Variants in RTN4R observed in about 807,000 individuals in gnomAD.
RTN4R encodes the protein reticulon-4 receptor.
RTN4R carries 4 observed loss-of-function variants against 27.7 expected under a neutral mutation model. The observed-to-expected ratio is 0.14, with a 90% CI of 0.07 to 0.33. The LOEUF is 0.33. Ranked by LOEUF, RTN4R falls within the 10% of genes least tolerant of loss-of-function variation. The probability of loss-of-function intolerance (pLI) is 1.00; values close to 1 mark genes in which losing one functional copy is unlikely to be tolerated. For missense variants in RTN4R, 554 were observed against 671.5 expected (o/e 0.83, Z 1.93); for synonymous variants, 290 against 305.6 (o/e 0.95, Z 0.53).
chr22:20,266,764 G>A (rs1199682222), intron 1 of RTN4R, among the ~76,000 whole-genome samples: 1 of 152,258 alleles, frequency 6.6e-6, no homozygotes, highest in Non-Finnish European at 1.5e-5. Context: ...TTAGGCCACA[G>A]CCTGTCTAGG....
At position 20,241,766 on chromosome 22, in the gene RTN4R, C is replaced by G; in HGVS notation, c.1367G>C (p.Ser456Thr). The change falls in exon 2 of 2, where the codon AGC becomes ACC. Residue 456 changes from serine to threonine, a missense_variant. By Grantham distance (58) the Ser-to-Thr change is moderately conservative (BLOSUM62 1). This residue lies in a region of RTN4R where 141 missense variants were observed against 129.2 expected (regional missense o/e 1.09). Coordinates refer to ENST00000043402, the MANE Select transcript of RTN4R (RefSeq NM_023004.6). ...GSGALPSLTC[S>T]LTPLGLALVL... ...CAGCGCCAGGCCCAGGGGGGTGAGG[C>G]TGCAGGTGAGGCTGGGTAGGGCACC... is the stretch of plus-strand genomic sequence containing the variant. 6.4e-7 allele frequency: 1 copy of G among 1,554,192 alleles called. No individual in the cohort carries two copies. Among genetic ancestry groups the G allele is most frequent in the Non-Finnish European group, 8.7e-7 (1 of 1,149,060 alleles).
intron 1 of RTN4R, among the ~76,000 whole-genome samples, chr22:20,244,772 G>A (rs1010304617): frequency 1.3e-5 from 2 of 152,174 alleles, no homozygotes; most frequent in African/African-American, 2.4e-5. Flanking sequence ...CTGGGGCCAG[G>A]TGGGGTGGAG....
At position 20,242,688 on chromosome 22, in the gene RTN4R, G is replaced by A; in HGVS notation, c.445C>T (p.Leu149=). The A allele has an allele frequency of 1.2e-6, 2 of 1,612,478 alleles. No individual in the cohort carries two copies. Among genetic ancestry groups the A allele is most frequent in the South Asian group, 1.1e-5 (1 of 91,042 alleles). Residue 149 remains leucine, a synonymous_variant, in exon 2 of 2, where the codon CTG becomes TTG. Transcript: ENST00000043402. The stretch of plus-strand genomic sequence containing the variant: ...TGCAGGGCAGCCAGGCCGCGGAACA[G>A]CCCCGGGCCCAGCTCCTGCAGGCCG... ...RCGLQELGPG[L]FRGLAALQYL...
intron 1 of RTN4R, among the ~76,000 whole-genome samples, chr22:20,247,977 C>T (rs552950392): frequency 2.6e-5 from 4 of 152,278 alleles, no homozygotes; most frequent in African/African-American, 9.6e-5. Flanking sequence ...TCGTCCCTGC[C>T]CCGTGATGCT....
chr22:20,267,143 T>C (rs911633475), intron 1 of RTN4R, among the ~76,000 whole-genome samples: 1 of 152,268 alleles, frequency 6.6e-6, no homozygotes, highest in African/African-American at 2.4e-5. Flanking sequence ...TCAGAGTCCG[T>C]GTGTGCACCC....
At chr22:20,249,048 G>A in intron 1 of RTN4R, 1 of 508,660 alleles carries the variant, frequency 2.0e-6, no homozygotes, top group Admixed American at 2.0e-5. Context: ...GTGCCCCCTT[G>A]CCCCACAGGA....
At chr22:20,245,159 G>A (rs1238377623) in intron 1 of RTN4R, among the ~76,000 whole-genome samples, 1 of 152,214 alleles carries the variant, frequency 6.6e-6, no homozygotes, top group Non-Finnish European at 1.5e-5. Context: ...GGGGTCGGGG[G>A]AGACAGGGGA....
intron 1 of RTN4R, among the ~76,000 whole-genome samples, chr22:20,245,818 C>T (rs1450958969): frequency 1.3e-5 from 2 of 152,196 alleles, no homozygotes. Flanking sequence ...TCTCACGGAG[C>T]CTCCAGTATG....
intron 1 of RTN4R, among the ~76,000 whole-genome samples, chr22:20,252,120 C>T (rs1421413626): frequency 6.6e-6 from 1 of 150,918 alleles, no homozygotes; most frequent in African/African-American, 2.4e-5. Context: ...CCATCAGCAT[C>T]CTCATCACTA....
At chr22:20,265,192 C>T (rs144620910) in intron 1 of RTN4R, among the ~76,000 whole-genome samples, 35 of 152,298 alleles carry the variant, frequency 2.3e-4, no homozygotes, top group Non-Finnish European at 4.3e-4. Context: ...GGGGCAGGGA[C>T]GAGGAGAGGG....
At chr22:20,264,929 G>A (rs758526120) in intron 1 of RTN4R, among the ~76,000 whole-genome samples, 4 of 152,142 alleles carry the variant, frequency 2.6e-5, no homozygotes, top group Admixed American at 6.5e-5. Flanking sequence ...TGCCAGGGCC[G>A]GGCGGGGCGC....
At chr22:20,253,353 C>A (rs1397992728) in intron 1 of RTN4R, among the ~76,000 whole-genome samples, 1 of 152,168 alleles carries the variant, frequency 6.6e-6, no homozygotes, top group African/African-American at 2.4e-5. Flanking sequence ...CACTGATGGT[C>A]CCCCTCCCCT....
chr22:20,243,492 CG>C, intron 1 of RTN4R: 1 of 509,236 alleles, frequency 2.0e-6, no homozygotes. Flanking sequence ...CAGGAGTCCC[CG>C]GGGGGTCCCA....
At position 20,242,776 on chromosome 22, in the gene RTN4R, C is replaced by T. The variant is rs1205777434; in HGVS notation, c.357G>A (p.Arg119=). 6.2e-7 allele frequency: 1 copy of T among 1,612,712 alleles called. No individual in the cohort carries two copies. Among genetic ancestry groups the T allele is most frequent in the Non-Finnish European group, 8.5e-7 (1 of 1,179,856 alleles). Residue 119 remains arginine (R), a synonymous_variant, in exon 2 of 2, where the codon CGG becomes CGA. Coordinates refer to ENST00000043402, the MANE Select transcript of RTN4R (RefSeq NM_023004.6). The part of the protein sequence containing the change: ...QLDLSDNAQL[R]SVDPATFHGL... Reference sequence around the variant, plus strand: ...CGTGGAATGTGGCAGGGTCCACAGACCGGAGCTGTGCATTATCGCTGAGGT... The same window carrying T: ...CGTGGAATGTGGCAGGGTCCACAGATCGGAGCTGTGCATTATCGCTGAGGT...
Position 20,242,736 on chromosome 22 carries a change from G to T in RTN4R, c.397C>A (p.His133Asn), listed in dbSNP as rs751217510. Reference sequence around the variant, plus strand: ...CCGCAGCGGTCCAGGTGCAGCGTGTGTAGGCGGCCCAGGCCGTGGAATGTG... The same window carrying T: ...CCGCAGCGGTCCAGGTGCAGCGTGTTTAGGCGGCCCAGGCCGTGGAATGTG... Reference protein sequence around the residue: ...PATFHGLGRLHTLHLDRCGLQ... With the variant: ...PATFHGLGRLNTLHLDRCGLQ... The change falls in exon 2 of 2, where the codon CAC (histidine) becomes AAC (asparagine). Residue 133 changes from histidine (H) to asparagine (N), a missense_variant. Around this residue, in one of 2 missense-constraint regions of RTN4R, gnomAD observed 413 missense variants for 542.3 expected, o/e 0.76. Coordinates refer to ENST00000043402, the MANE Select transcript of RTN4R (RefSeq NM_023004.6). 1 of 1,612,636 alleles carries T rather than the reference G, an allele frequency of 6.2e-7. No homozygotes were observed. Among genetic ancestry groups the T allele is most frequent in the East Asian group, 2.2e-5 (1 of 44,876 alleles).
At chr22:20,248,855 G>A (rs1450099968) in intron 1 of RTN4R, among the ~76,000 whole-genome samples, 3 of 152,170 alleles carry the variant, frequency 2.0e-5, no homozygotes, top group Non-Finnish European at 4.4e-5. Flanking sequence ...CCTAGGCCTC[G>A]AGGATTCATC....
chr22:20,259,765 T>C (rs779603920), intron 1 of RTN4R, among the ~76,000 whole-genome samples: 8 of 152,150 alleles, frequency 5.3e-5, no homozygotes, highest in Admixed American at 1.3e-4. Flanking sequence ...TGTGGGAGGC[T>C]CAGAGTCCTC....
intron 1 of RTN4R, chr22:20,249,114 C>T (rs372962456): frequency 4.1e-5 from 22 of 534,094 alleles, no homozygotes; most frequent in Middle Eastern, 3.2e-4. Context: ...ACACCTGCTG[C>T]CTAATTATCT....
chr22:20,266,050 T>C (rs1159264158), intron 1 of RTN4R, among the ~76,000 whole-genome samples: 1 of 152,228 alleles, frequency 6.6e-6, no homozygotes, highest in African/African-American at 2.4e-5. Flanking sequence ...AGGTGGCGTC[T>C]AGGTGCTGAT....
Sources: allele counts gnomAD v4.1 joint callset (sites outside exome capture counted in the v4.1 genomes callset), GRCh38; gene constraint gnomAD v4.1.1; regional missense constraint gnomAD v4.1.1; transcripts MANE v1.5; gene names NCBI Gene and HGNC (gene_info 2026-07-23, HGNC 2026-07-21).